Variants in RAD9A observed in about 807,000 individuals in gnomAD.
RAD9A encodes the protein cell cycle checkpoint control protein RAD9A.
Under a neutral mutation model 41.2 loss-of-function variants are expected in RAD9A, and 25 were observed. The observed-to-expected ratio is 0.61, with a 90% CI of 0.44 to 0.85. The LOEUF is 0.85. Ranked by LOEUF, RAD9A falls within the 40% of genes least tolerant of loss-of-function variation. RAD9A has a pLI of 0.00. For synonymous variants in RAD9A, 252 were observed against 210.6 expected (o/e 1.20, Z -1.70); for missense variants, 514 against 518.3 (o/e 0.99, Z 0.08).
chr11:67,394,306 T>A (rs1862619673), intron 5 of RAD9A, among the ~76,000 whole-genome samples: 1 of 152,224 alleles, frequency 6.6e-6, no homozygotes, highest in Non-Finnish European at 1.5e-5. Flanking sequence ...GGAGGCTGAA[T>A]AATCAGCTAT....
chr11:67,395,258 T>G (rs1862647087), intron 5 of RAD9A: 1 of 157,826 alleles, frequency 6.3e-6, no homozygotes, highest in Non-Finnish European at 1.4e-5. Flanking sequence ...CGCAGGGGCC[T>G]TGCTCATCTT....
At chr11:67,393,367 G>C in intron 3 of RAD9A, 129 bp from the exon 4 acceptor site, 1 of 1,456,852 alleles carries the variant, frequency 6.9e-7, no homozygotes, top group Non-Finnish European at 9.1e-7. Context: ...GGATGCCAGT[G>C]CCCGAGGTGA....
At chr11:67,392,262 G>GGGGGGT in intron 2 of RAD9A, 31 bp downstream of exon 2, 4 of 600,778 alleles carry the variant, frequency 6.7e-6, no homozygotes, top group African/African-American at 1.9e-5. Context: ...GGGCGGGTGG[G>GGGGGGT]ACTCCAGCCG....
chr11:67,398,288 C>T lies in RAD9A; in HGVS notation c.*729C>T, dbSNP rs1201492800. On this transcript the variant is annotated 3_prime_UTR_variant, in exon 11 of 11. Coordinates refer to ENST00000307980, the MANE Select transcript of RAD9A (RefSeq NM_004584.3). The stretch of plus-strand genomic sequence containing the variant: ...GCTGGAGACCCACGACCTGGCCTGC[C>T]GTTGCCCTGAGCTGCAGCCTCGGCC... The T allele has an allele frequency of 4.9e-5, 26 of 536,010 alleles. No individual in the cohort carries two copies. Among genetic ancestry groups the T allele is most frequent in the South Asian group, 2.1e-4 (9 of 42,502 alleles). 33.2% of individuals were successfully genotyped at this position (536,010 alleles called of 1,614,324 possible).
chr11:67,397,220 C>T lies in RAD9A; in HGVS notation c.914C>T (p.Ser305Phe), dbSNP rs139309538. ...PDDFANDDID[S>F]YMIAMETTIG... ...GACTTTGCCAATGACGACATTGACTCTTACATGATCGCCATGGAAACCACT... is the reference window on the plus strand; with the variant it reads ...GACTTTGCCAATGACGACATTGACTTTTACATGATCGCCATGGAAACCACT... The change falls in exon 10 of 11, where the codon TCT becomes TTT. Residue 305 changes from serine (S) to phenylalanine (F), a missense_variant. Coordinates refer to ENST00000307980, the MANE Select transcript of RAD9A (RefSeq NM_004584.3). The T allele has an allele frequency of 8.9e-5, 143 of 1,613,794 alleles. No individual in the cohort carries two copies. Among genetic ancestry groups the T allele is most frequent in the Non-Finnish European group, 1.2e-4 (139 of 1,179,936 alleles).
intron 1 of RAD9A, 35 bp downstream of exon 1, chr11:67,392,113 C>T: frequency 6.2e-7 from 1 of 1,605,282 alleles, no homozygotes; most frequent in Non-Finnish European, 8.5e-7. Flanking sequence ...GGCGGTGCAG[C>T]AGCCGCGGAG....
intron 3 of RAD9A, 36 bp downstream of exon 3, chr11:67,392,818 C>T: frequency 1.2e-6 from 2 of 1,608,788 alleles, no homozygotes; most frequent in Non-Finnish European, 1.7e-6. Flanking sequence ...ACTACTCCAC[C>T]CCAGGAATCT....
At position 67,393,732 on chromosome 11, in the gene RAD9A, T is replaced by A. The variant is rs1324491055; in HGVS notation, c.391T>A (p.Ser131Thr). The A allele has an allele frequency of 6.2e-7, 1 of 1,613,064 alleles. No homozygotes were observed. The highest frequency in any genetic ancestry group is 1.3e-5 in the African/African-American group (1 of 74,792). ...THNLSFQDCE[S>T]LQAVFDPASC... is the part of the protein sequence containing the mutation. ...CAACCTGTCCTTCCAGGACTGTGAGTCCCTGCAGGCCGTCTTCGACCCAGC... is the reference window on the plus strand; with the variant it reads ...CAACCTGTCCTTCCAGGACTGTGAGACCCTGCAGGCCGTCTTCGACCCAGC... The change falls in exon 5 of 11, where the codon TCC becomes ACC. Residue 131 changes from serine to threonine, a missense_variant. Physicochemically the swap from Ser to Thr is moderately conservative, Grantham distance 58. Coordinates refer to ENST00000307980, the MANE Select transcript of RAD9A (RefSeq NM_004584.3).
chr11:67,392,327 C>G lies in RAD9A; in HGVS notation c.105+96C>G, dbSNP rs374914917. 293 of 1,138,818 alleles carry G rather than the reference C, an allele frequency of 2.6e-4. No individual in the cohort carries two copies. In the African/African-American group the frequency reaches 4.2e-3, roughly 16 times the overall value. 70.5% of individuals were successfully genotyped at this position (1,138,818 alleles called of 1,614,324 possible). ...CCCCACTAGGCGGGATGACCGCTGG[C>G]AGATTTGTCGGCAAAGTTTCAGTTT... On this transcript the variant is annotated intron_variant, in intron 2 of 10. Coordinates refer to ENST00000307980, the MANE Select transcript of RAD9A (RefSeq NM_004584.3).
Position 67,392,248 on chromosome 11 carries a change from T to TGGGGGCTTGGGGTGG in RAD9A, c.105+22_105+23insCTTGGGGTGGGGGGG. On this transcript the variant is annotated intron_variant, in intron 2 of 10. Coordinates refer to ENST00000307980, the MANE Select transcript of RAD9A (RefSeq NM_004584.3). The stretch of plus-strand genomic sequence containing the variant: ...GAGGACGGGGTGAGGGGCTAGGGTG[T>TGGGGGCTTGGGGTGG]GGGGGGCGGGTGGGACTCCAGCCGG... 3.1e-6 allele frequency: 1 copy of TGGGGGCTTGGGGTGG among 321,862 alleles called. No individual in the cohort carries two copies. The highest frequency in any genetic ancestry group is 6.2e-6 in the Non-Finnish European group (1 of 162,540). The allele number at this position is 321,862 out of a possible 1,614,324, so 19.9% of individuals were successfully genotyped here. A position where few individuals can be genotyped will look rare whatever the true frequency, so the allele number is the denominator to read the frequency against.
intron 5 of RAD9A, chr11:67,395,412 A>G (rs556793555): frequency 2.0e-4 from 81 of 395,432 alleles, no homozygotes; most frequent in African/African-American, 1.0e-3. Context: ...CTGTATGTCA[A>G]TGGGTATCCT....
chr11:67,392,312 C>A, intron 2 of RAD9A, 81 bp downstream of exon 2: 1 of 1,223,596 alleles, frequency 8.2e-7, no homozygotes, highest in Non-Finnish European at 1.1e-6. Flanking sequence ...CCCCACTAGG[C>A]GGGATGACCG....
At position 67,396,038 on chromosome 11, in the gene RAD9A, G is replaced by A. The variant is rs541646929; in HGVS notation, c.669+17G>A. ...GAATTCCGGGTGAGGTTCCTCCCAG[G>A]CGCTCGCCGTCCTGTCCTCCCTGCC... is the stretch of plus-strand genomic sequence containing the variant. On this transcript the variant is annotated intron_variant, in intron 7 of 10. Transcript: ENST00000307980. The A allele has an allele frequency of 6.2e-7, 1 of 1,613,972 alleles. No individual in the cohort carries two copies. The highest frequency in any genetic ancestry group is 2.2e-5 in the East Asian group (1 of 44,872).
rs763475317 is a variant in RAD9A at position 67,397,264 on chromosome 11, C to T, written c.958C>T (p.Arg320Trp). ...METTIGNEGS[R>W]VLPSISLSPG... Reference sequence around the variant, plus strand: ...AACCACTATAGGCAATGAGGGCTCGCGGGTGCTGCCCTCCATTTCCCTTTC... The same window carrying T: ...AACCACTATAGGCAATGAGGGCTCGTGGGTGCTGCCCTCCATTTCCCTTTC... Residue 320 changes from arginine (R) to tryptophan (W), a missense_variant, in exon 10 of 11, where the codon CGG (arginine) becomes TGG (tryptophan). By Grantham distance (101) the Arg-to-Trp change is moderately radical (BLOSUM62 -3). Around this residue, in one of 3 missense-constraint regions of RAD9A, gnomAD observed 216 missense variants for 184.2 expected, o/e 1.17. Coordinates refer to ENST00000307980, the MANE Select transcript of RAD9A (RefSeq NM_004584.3). 46 of 1,611,052 alleles carry T rather than the reference C, an allele frequency of 2.9e-5. No homozygotes were observed. Among genetic ancestry groups the T allele is most frequent in the Admixed American group, 6.7e-5 (4 of 59,984 alleles).
intron 9 of RAD9A, among the ~76,000 whole-genome samples, chr11:67,396,655 T>A (rs1178167371): frequency 2.0e-5 from 3 of 152,156 alleles, no homozygotes; most frequent in Admixed American, 6.5e-5. Flanking sequence ...CTTCTCTGGC[T>A]GAGGCCGCCC....
chr11:67,396,264 C>T lies in RAD9A; in HGVS notation c.736C>T (p.Pro246Ser). 1 of 1,614,058 alleles carries T rather than the reference C, an allele frequency of 6.2e-7. No homozygotes were observed. ...GCTTGGGCCCCCTCCCCTGCCCAGG[C>T]CCGCCATCTTCACCATCAAGGACTC... ...LSIHFDAPGRPAIFTIKDSLL... is the reference protein window; with the variant it reads ...LSIHFDAPGRSAIFTIKDSLL... The change falls in exon 9 of 11, where the codon CCC becomes TCC. Residue 246 changes from proline to serine, a missense_variant and splice_region_variant. Physicochemically the swap from Pro to Ser is moderately conservative, Grantham distance 74. Around this residue, in one of 3 missense-constraint regions of RAD9A, gnomAD observed 30 missense variants for 54.8 expected, o/e 0.55. Coordinates refer to ENST00000307980, the MANE Select transcript of RAD9A (RefSeq NM_004584.3).
intron 3 of RAD9A, 103 bp downstream of exon 3, chr11:67,392,885 C>A (rs1862570410): frequency 2.1e-6 from 3 of 1,440,652 alleles, no homozygotes; most frequent in African/African-American, 1.4e-5. Flanking sequence ...GGGAGAGAGA[C>A]ACGTGCAAGC....
chr11:67,393,155 C>G, intron 3 of RAD9A: 1 of 503,312 alleles, frequency 2.0e-6, no homozygotes, highest in Non-Finnish European at 2.9e-6. Context: ...TGGCACGCGC[C>G]TGTAATCCCA....
rs779649674 is a variant in RAD9A at position 67,392,175 on chromosome 11, G to A, written c.49G>A (p.Val17Ile). 1.2e-6 allele frequency: 2 copies of A among 1,608,804 alleles called. No individual in the cohort carries two copies. The highest frequency in any genetic ancestry group is 8.5e-7 in the Non-Finnish European group (1 of 1,177,766). The change falls in exon 2 of 11, where the codon GTC becomes ATC. Residue 17 changes from valine (V) to isoleucine (I), a missense_variant. By Grantham distance (29) the Val-to-Ile change is conservative. Coordinates refer to ENST00000307980, the MANE Select transcript of RAD9A (RefSeq NM_004584.3). ...TCTCCCCGCAGTGCTCGGCAAGGCCGTCCACTCCCTGTCCCGCATCGGGGA... is the reference window on the plus strand; with the variant it reads ...TCTCCCCGCAGTGCTCGGCAAGGCCATCCACTCCCTGTCCCGCATCGGGGA... ...GGNVKVLGKA[V>I]HSLSRIGDEL...
Sources: allele counts gnomAD v4.1 joint callset (sites outside exome capture counted in the v4.1 genomes callset), GRCh38; gene constraint gnomAD v4.1.1; regional missense constraint gnomAD v4.1.1; transcripts MANE v1.5; gene names NCBI Gene and HGNC (gene_info 2026-07-23, HGNC 2026-07-21).